The following PPP1R9A variants were observed in gnomAD, a reference collection of about 807,000 sequenced individuals.
The protein encoded by PPP1R9A is neurabin-1.
A neutral mutation model predicts 141.9 loss-of-function variants in PPP1R9A; 59 were observed. The observed-to-expected ratio is 0.42, with a 90% CI of 0.34 to 0.52. The LOEUF is 0.52. Ranked by LOEUF, PPP1R9A falls within the 20% of genes least tolerant of loss-of-function variation. The pLI, the probability that PPP1R9A is intolerant of heterozygous loss-of-function variation, is 0.10. For synonymous variants in PPP1R9A, 500 were observed against 569.7 expected, an observed-to-expected ratio of 0.88 and a Z score of 1.74; for missense variants, 1,444 against 1,611.9, an observed-to-expected ratio of 0.90 and a Z score of 1.78.
chr7:95,078,992 C>T (rs889724731), intron 2 of PPP1R9A, among the ~76,000 whole-genome samples: 5 of 151,988 alleles, frequency 3.3e-5, no homozygotes, highest in Non-Finnish European at 7.4e-5. Flanking sequence ...TTAATGAGAT[C>T]CCATTTGTCA....
At chr7:95,103,479 C>T (rs1190188240) in intron 2 of PPP1R9A, among the ~76,000 whole-genome samples, 3 of 150,510 alleles carry the variant, frequency 2.0e-5, no homozygotes, top group East Asian at 2.0e-4. Flanking sequence ...GCCATTCTCC[C>T]GCCTCAGCCT....
chr7:95,151,941 C>CTTTTTTTTTTTTTTTTTTT (rs1167382285), intron 4 of PPP1R9A, among the ~76,000 whole-genome samples: 7 of 54,462 alleles, frequency 1.3e-4, no homozygotes, highest in Admixed American at 3.0e-4. Context: ...TACTGAGAAT[C>CTTTTTTTTTTTTTTTTTTT]TTTTTTTTTT....
intron 2 of PPP1R9A, among the ~76,000 whole-genome samples, chr7:94,934,855 C>CAT: frequency 1.4e-5 from 2 of 147,942 alleles, no homozygotes; most frequent in South Asian, 4.3e-4. Context: ...CATACACACA[C>CAT]ACACACACAC....
intron 4 of PPP1R9A, among the ~76,000 whole-genome samples, chr7:95,136,532 A>G (rs1427656250): frequency 6.6e-6 from 1 of 152,212 alleles, no homozygotes; most frequent in Non-Finnish European, 1.5e-5. Flanking sequence ...GTCAGGAAAG[A>G]TGTTTTCTAG....
At chr7:95,047,110 T>A (rs1810133175) in intron 2 of PPP1R9A, among the ~76,000 whole-genome samples, 1 of 152,210 alleles carries the variant, frequency 6.6e-6, no homozygotes. Context: ...CACACCATAG[T>A]TGGCAGCAGC....
intron 2 of PPP1R9A, among the ~76,000 whole-genome samples, chr7:95,062,890 G>A (rs568861948): frequency 1.3e-5 from 2 of 152,210 alleles, no homozygotes; most frequent in African/African-American, 2.4e-5. Context: ...TAGCAGTAGC[G>A]GCTGTGGGTG....
At chr7:94,977,582 G>A (rs1375437474) in intron 2 of PPP1R9A, among the ~76,000 whole-genome samples, 1 of 151,992 alleles carries the variant, frequency 6.6e-6, no homozygotes, top group Non-Finnish European at 1.5e-5. Context: ...AGAATTTAGA[G>A]GAGATAATTA....
intron 4 of PPP1R9A, among the ~76,000 whole-genome samples, chr7:95,138,293 A>G (rs891848258): frequency 3.9e-5 from 6 of 152,224 alleles, no homozygotes; most frequent in Admixed American, 2.6e-4. Context: ...CTTTTCAGCA[A>G]AGTGCTAGAA....
At chr7:95,172,942 G>A (rs529007404) in intron 5 of PPP1R9A, among the ~76,000 whole-genome samples, 1 of 151,658 alleles carries the variant, frequency 6.6e-6, no homozygotes, top group Non-Finnish European at 1.5e-5. Flanking sequence ...AGGTACCAAG[G>A]TAATTCCGTG....
chr7:95,011,923 A>G (rs1383103433), intron 2 of PPP1R9A, among the ~76,000 whole-genome samples: 5 of 152,208 alleles, frequency 3.3e-5, no homozygotes, highest in African/African-American at 9.6e-5. Context: ...ATAAATATAT[A>G]TGTCTGCATT....
At chr7:95,100,900 T>C (rs1818691641) in intron 2 of PPP1R9A, among the ~76,000 whole-genome samples, 1 of 133,634 alleles carries the variant, frequency 7.5e-6, no homozygotes, top group Non-Finnish European at 1.5e-5. Flanking sequence ...TCGCCCAGGC[T>C]GGAGTGCAGT....
chr7:95,234,939 G>A (rs929803094), intron 8 of PPP1R9A, among the ~76,000 whole-genome samples: 2 of 152,122 alleles, frequency 1.3e-5, no homozygotes, highest in African/African-American at 4.8e-5. Context: ...CTAACAAATG[G>A]TGCTGGGACA....
rs992197109 is a variant in PPP1R9A at position 95,292,867 on chromosome 7, C to A, written c.*2564C>A. The A allele has an allele frequency of 2.6e-5, 4 of 152,140 alleles. No homozygotes were observed. The highest frequency in any genetic ancestry group is 4.8e-5 in the African/African-American group (2 of 41,434). The allele number at this position is 152,140 out of a possible 1,614,324, so 9.4% of individuals were successfully genotyped here. A position where few individuals can be genotyped will look rare whatever the true frequency, so the allele number is the denominator to read the frequency against. ...TGCACATTTTGTTTTCCTATTATTTCTTTTATTGACTGTAGTGCATGATAC... is the reference window on the plus strand; with the variant it reads ...TGCACATTTTGTTTTCCTATTATTTATTTTATTGACTGTAGTGCATGATAC... On this transcript the variant is annotated 3_prime_UTR_variant, in exon 20 of 20. Transcript: ENST00000433360.
intron 7 of PPP1R9A, among the ~76,000 whole-genome samples, chr7:95,216,322 T>A (rs1199278779): frequency 1.3e-5 from 2 of 152,208 alleles, no homozygotes; most frequent in Non-Finnish European, 2.9e-5. Flanking sequence ...TCCATTGGTC[T>A]ATATGTCTGT....
intron 4 of PPP1R9A, among the ~76,000 whole-genome samples, chr7:95,151,851 T>A (rs1828731640): frequency 6.6e-6 from 1 of 151,828 alleles, no homozygotes; most frequent in Non-Finnish European, 1.5e-5. Context: ...AGGGTAATGT[T>A]ACTGTAGGAA....
intron 2 of PPP1R9A, among the ~76,000 whole-genome samples, chr7:94,975,372 T>G (rs1394292893): frequency 7.4e-5 from 11 of 149,342 alleles, no homozygotes; most frequent in African/African-American, 9.8e-5. Context: ...TTTTTTTTTT[T>G]TTTTTTTTTT....
At chr7:95,122,072 T>C (rs1195348888) in intron 4 of PPP1R9A, among the ~76,000 whole-genome samples, 1 of 152,208 alleles carries the variant, frequency 6.6e-6, no homozygotes, top group Non-Finnish European at 1.5e-5. Context: ...GTATGTATCA[T>C]TTGACCATCT....
chr7:95,021,686 A>G (rs1805983539), intron 2 of PPP1R9A, among the ~76,000 whole-genome samples: 1 of 152,128 alleles, frequency 6.6e-6, no homozygotes, highest in Non-Finnish European at 1.5e-5. Context: ...TTTTTTGCAT[A>G]TGGCTAGCCA....
At chr7:95,282,208 A>G (rs913497164) in intron 16 of PPP1R9A, among the ~76,000 whole-genome samples, 9 of 139,582 alleles carry the variant, frequency 6.4e-5, no homozygotes, top group African/African-American at 1.7e-4. Flanking sequence ...GCACACGCCT[A>G]TAAGTCCTAG....
Sources: gnomAD v4.1 joint callset for allele counts (sites outside exome capture counted in the v4.1 genomes callset) on GRCh38, gnomAD v4.1.1 for gene constraint, MANE v1.5 for transcripts, NCBI Gene and HGNC (gene_info 2026-07-23, HGNC 2026-07-21) for gene names.